The following BICD2 variants were observed in gnomAD, a reference collection of about 807,000 sequenced individuals.
The protein encoded by BICD2 is BICD cargo adaptor 2.
BICD2 carries 25 observed loss-of-function variants against 72.9 expected under a neutral mutation model. The ratio of observed to expected loss-of-function variants is 0.34; its 90% CI spans 0.25 to 0.48. The LOEUF (loss-of-function observed/expected upper bound fraction) is 0.48, where lower values mean the gene tolerates loss of function less well. Among genes scored for constraint, BICD2 ranks in the 20% least tolerant of loss-of-function variants. BICD2 has a pLI of 0.99. For missense variants in BICD2, 894 were observed against 1,175.2 expected (o/e 0.76, Z 3.50); for synonymous variants, 501 against 516.1 (o/e 0.97, Z 0.40).
At chr9:92,728,930 G>A (rs1564064316) in intron 2 of BICD2, 94 bp downstream of exon 2, 9 of 1,406,146 alleles carry the variant, frequency 6.4e-6, no homozygotes, top group African/African-American at 1.4e-5. Flanking sequence ...GTCCCCAGAG[G>A]CCAGCCCAGC....
At chr9:92,761,218 G>C (rs1036674826) in intron 1 of BICD2, among the ~76,000 whole-genome samples, 1 of 152,174 alleles carries the variant, frequency 6.6e-6, no homozygotes, top group Non-Finnish European at 1.5e-5. Flanking sequence ...GGCAGCCCTT[G>C]GGAGGTGGCA....
chr9:92,760,162 C>T (rs984185441), intron 1 of BICD2, among the ~76,000 whole-genome samples: 4 of 152,148 alleles, frequency 2.6e-5, no homozygotes, highest in African/African-American at 9.7e-5. Flanking sequence ...CAGGGACAGA[C>T]ATCATATACA....
chr9:92,734,147 A>G (rs1477651916), intron 1 of BICD2, among the ~76,000 whole-genome samples: 1 of 152,240 alleles, frequency 6.6e-6, no homozygotes, highest in African/African-American at 2.4e-5. Flanking sequence ...ACAAAAGAGT[A>G]TATGTTGTGC....
At chr9:92,718,424 CT>C (rs1229636981) in intron 5 of BICD2, 114 bp downstream of exon 5, 8 of 1,271,472 alleles carry the variant, frequency 6.3e-6, no homozygotes, top group Non-Finnish European at 8.5e-6. Flanking sequence ...CTGGCTCTGT[CT>C]GGTGGTGACG....
intron 1 of BICD2, among the ~76,000 whole-genome samples, chr9:92,748,571 C>G (rs891992829): frequency 6.6e-6 from 1 of 152,100 alleles, no homozygotes; most frequent in Non-Finnish European, 1.5e-5. Context: ...ACTACCTGGG[C>G]CCCTCACAGA....
chr9:92,740,316 A>G (rs1007051067), intron 1 of BICD2, among the ~76,000 whole-genome samples: 3 of 152,160 alleles, frequency 2.0e-5, no homozygotes, highest in Non-Finnish European at 4.4e-5. Context: ...AGTATTTCAC[A>G]TAAGTTTTCT....
intron 1 of BICD2, among the ~76,000 whole-genome samples, chr9:92,754,268 A>G (rs190803867): frequency 6.6e-6 from 1 of 152,220 alleles, no homozygotes; most frequent in African/African-American, 2.4e-5. Context: ...GAGGTGGTAG[A>G]AGGTGGGTGT....
At chr9:92,722,618 C>A in intron 3 of BICD2, 38 bp downstream of exon 3, 1 of 1,612,670 alleles carries the variant, frequency 6.2e-7, no homozygotes, top group Non-Finnish European at 8.5e-7. Context: ...GCCCAGTTAA[C>A]CCACGTGCCA....
intron 1 of BICD2, among the ~76,000 whole-genome samples, chr9:92,740,750 T>G (rs1321057305): frequency 1.3e-5 from 2 of 152,150 alleles, no homozygotes; most frequent in African/African-American, 4.8e-5. Flanking sequence ...GGTTGGCAAG[T>G]CTGTGCAAAG....
At chr9:92,737,054 G>A (rs1036428815) in intron 1 of BICD2, among the ~76,000 whole-genome samples, 1 of 146,882 alleles carries the variant, frequency 6.8e-6, no homozygotes, top group African/African-American at 2.5e-5. Flanking sequence ...CTGTGAGCAC[G>A]GGCCCATCTG....
chr9:92,740,876 G>C (rs74615840), intron 1 of BICD2, among the ~76,000 whole-genome samples: 7 of 152,266 alleles, frequency 4.6e-5, no homozygotes, highest in Non-Finnish European at 7.4e-5. Flanking sequence ...GGCAAGATGG[G>C]CATCGGCACC....
At chr9:92,756,341 A>C (rs1854256589) in intron 1 of BICD2, among the ~76,000 whole-genome samples, 1 of 151,388 alleles carries the variant, frequency 6.6e-6, no homozygotes, top group Non-Finnish European at 1.5e-5. Context: ...GGCTCACTGC[A>C]AGCTCCGCCT....
intron 6 of BICD2, among the ~76,000 whole-genome samples, chr9:92,716,728 G>T (rs1198288933): frequency 2.0e-5 from 3 of 152,202 alleles, no homozygotes; most frequent in African/African-American, 7.2e-5. Context: ...CCTGTCAGGG[G>T]GCACCTGGGA....
At chr9:92,729,514 G>A (rs1049033586) in intron 1 of BICD2, among the ~76,000 whole-genome samples, 1 of 152,264 alleles carries the variant, frequency 6.6e-6, no homozygotes. Flanking sequence ...GGCAAGACAA[G>A]TGCTGGAGTC....
chr9:92,717,540 G>A (rs1304430347), intron 6 of BICD2, among the ~76,000 whole-genome samples: 2 of 152,226 alleles, frequency 1.3e-5, no homozygotes, highest in Non-Finnish European at 2.9e-5. Flanking sequence ...GCAGCTAGGG[G>A]CCCCCAACCC....
chr9:92,727,906 C>G (rs1853599394), intron 2 of BICD2, among the ~76,000 whole-genome samples: 1 of 152,220 alleles, frequency 6.6e-6, no homozygotes, highest in Non-Finnish European at 1.5e-5. Context: ...CTGCTCTCCC[C>G]TGATATCTGC....
rs1175583344 is a variant in BICD2 at position 92,720,385 on chromosome 9, G to A, written c.977C>T (p.Ala326Val). Residue 326 changes from alanine (A) to valine (V), a missense_variant, in exon 4 of 7, where the codon GCA becomes GTA. Physicochemically the swap from Ala to Val is moderately conservative, Grantham distance 64. This residue lies in a region of BICD2 where 371 missense variants were observed against 439.1 expected (regional missense o/e 0.84). Coordinates refer to ENST00000356884, the MANE Select transcript of BICD2 (RefSeq NM_001003800.2). This position sits in a 1 kb window ranked among gnomAD's most constrained non-coding sequence, Gnocchi z 5.4. ...GGAGACGAGGCTGGGGGAGGGCGGTGCGAGGCCCTCCTTCTTGGGCGTGGA... is the reference window on the plus strand; with the variant it reads ...GGAGACGAGGCTGGGGGAGGGCGGTACGAGGCCCTCCTTCTTGGGCGTGGA... ...KTSTPKKEGL[A>V]PPSPSLVSDL... The A allele has an allele frequency of 1.2e-6, 2 of 1,614,098 alleles. No individual in the cohort carries two copies. Among genetic ancestry groups the A allele is most frequent in the Non-Finnish European group, 1.7e-6 (2 of 1,180,024 alleles).
At chr9:92,716,646 A>T (rs1181897903) in intron 6 of BICD2, among the ~76,000 whole-genome samples, 2 of 152,204 alleles carry the variant, frequency 1.3e-5, no homozygotes, top group Non-Finnish European at 1.5e-5. Context: ...TGCAGGGCTG[A>T]CCCCATGGTG....
intron 6 of BICD2, among the ~76,000 whole-genome samples, chr9:92,716,562 C>G (rs1360542331): frequency 2.0e-5 from 3 of 152,236 alleles, no homozygotes; most frequent in African/African-American, 7.2e-5. Flanking sequence ...AGCTCAGATC[C>G]TCAGCTTGCT....
Sources: gnomAD v4.1 joint callset for allele counts (sites outside exome capture counted in the v4.1 genomes callset) on GRCh38, gnomAD v4.1.1 for gene constraint, gnomAD v4.1.1 regional missense constraint, Gnocchi (gnomAD v3.1) non-coding constraint, MANE v1.5 for transcripts, NCBI Gene and HGNC (gene_info 2026-07-23, HGNC 2026-07-21) for gene names.